Variants in CSMD1 observed in about 807,000 individuals in gnomAD.
CSMD1 encodes CUB and Sushi multiple domains 1.
A neutral mutation model predicts 417.5 loss-of-function variants in CSMD1; 213 were observed. The observed-to-expected ratio is 0.51, with a 90% CI of 0.46 to 0.57. The LOEUF (loss-of-function observed/expected upper bound fraction) is 0.57, where lower values mean the gene tolerates loss of function less well. Ranked by LOEUF, CSMD1 falls within the 20% of genes least tolerant of loss-of-function variation. The probability of loss-of-function intolerance (pLI) is 0.00; values close to 1 mark genes in which losing one functional copy is unlikely to be tolerated. For synonymous variants in CSMD1, 2,862 were observed against 1,736.8 expected, an observed-to-expected ratio of 1.65 and a Z score of -16.11; for missense variants, 6,923 against 4,529.7, an observed-to-expected ratio of 1.53 and a Z score of -15.17.
intron 5 of CSMD1, among the ~76,000 whole-genome samples, chr8:3,960,594 A>C (rs762131023): frequency 6.6e-6 from 1 of 152,148 alleles, no homozygotes; most frequent in Non-Finnish European, 1.5e-5. Context: ...CAAAAAAGTT[A>C]TTTTAAATAT....
chr8:4,104,990 A>AT (rs1554450339), intron 3 of CSMD1, among the ~76,000 whole-genome samples: 2 of 109,788 alleles, frequency 1.8e-5, no homozygotes, highest in Admixed American at 9.1e-5. Context: ...ACAGTTTCAC[A>AT]TTAAAAAAAA....
chr8:4,307,741 G>A (rs1798325852), intron 3 of CSMD1, among the ~76,000 whole-genome samples: 1 of 152,112 alleles, frequency 6.6e-6, no homozygotes. Context: ...ATACCTACAT[G>A]GGCAACCAGA....
intron 2 of CSMD1, among the ~76,000 whole-genome samples, chr8:4,461,603 T>G (rs1799823434): frequency 6.6e-6 from 1 of 151,894 alleles, no homozygotes; most frequent in African/African-American, 2.4e-5. Context: ...CAGTCTGAAA[T>G]GCAGTGGTAC....
intron 10 of CSMD1, among the ~76,000 whole-genome samples, chr8:3,573,837 T>C (rs1800038797): frequency 2.1e-5 from 1 of 46,840 alleles, no homozygotes; most frequent in Non-Finnish European, 5.0e-5. Context: ...ATTATTTTAA[T>C]ATTACATAAT....
intron 10 of CSMD1, among the ~76,000 whole-genome samples, chr8:3,500,221 A>G (rs1282682561): frequency 3.9e-5 from 6 of 152,088 alleles, no homozygotes. Flanking sequence ...TCCCCTAGAC[A>G]CTGCACTTGA....
chr8:3,781,278 G>C (rs985871072), intron 5 of CSMD1, among the ~76,000 whole-genome samples: 2 of 152,108 alleles, frequency 1.3e-5, no homozygotes, highest in African/African-American at 2.4e-5. Flanking sequence ...TACATGCCGA[G>C]AGAATATGGT....
intron 3 of CSMD1, among the ~76,000 whole-genome samples, chr8:4,281,525 C>G (rs578179289): frequency 3.9e-5 from 6 of 152,210 alleles, no homozygotes; most frequent in African/African-American, 1.4e-4. Flanking sequence ...TGCATTGAAG[C>G]TCACATTAAA....
chr8:4,360,868 T>C (rs1257741778), intron 3 of CSMD1, among the ~76,000 whole-genome samples: 1 of 152,132 alleles, frequency 6.6e-6, no homozygotes, highest in Non-Finnish European at 1.5e-5. Flanking sequence ...CTATCTTTAA[T>C]ATTGGTAAAG....
chr8:2,949,884 C>G (rs559269612), intron 67 of CSMD1, among the ~76,000 whole-genome samples: 2 of 152,070 alleles, frequency 1.3e-5, no homozygotes, highest in African/African-American at 4.8e-5. Context: ...TCTTTTAGAA[C>G]GAGCAGCGTG....
intron 25 of CSMD1, among the ~76,000 whole-genome samples, chr8:3,301,917 CTT>C (rs1306584267): frequency 2.6e-5 from 4 of 152,004 alleles, no homozygotes; most frequent in Non-Finnish European, 5.9e-5. Flanking sequence ...AATGACAGGG[CTT>C]TGTTTTCAGA....
chr8:3,225,258 G>T (rs1350860160), intron 27 of CSMD1, among the ~76,000 whole-genome samples: 2 of 152,120 alleles, frequency 1.3e-5, no homozygotes, highest in African/African-American at 4.8e-5. Context: ...TACTCTCACA[G>T]TCTAACTGAA....
Position 4,114,783 on chromosome 8 carries a change from G to A in CSMD1, c.416-82684C>T, listed in dbSNP as rs1445163149. Among the ~76,000 whole-genome samples, 4 of 152,288 alleles carry A rather than the reference G, an allele frequency of 2.6e-5. No individual in the cohort carries two copies. The Middle Eastern group carries it at 0.014, about 518-fold the overall frequency. On this transcript the variant is annotated intron_variant, in intron 3 of 69. Transcript: ENST00000635120. The stretch of plus-strand genomic sequence containing the variant: ...AGAATATAATAAGACTTCAGCAGAG[G>A]TACCTGCAGATGTGGTAGAAATAGC...
intron 10 of CSMD1, among the ~76,000 whole-genome samples, chr8:3,567,656 C>T (rs765139829): frequency 3.2e-4 from 48 of 151,760 alleles, no homozygotes; most frequent in East Asian, 3.9e-4. Context: ...CCTTGTTTAC[C>T]GACAATATTC....
intron 3 of CSMD1, among the ~76,000 whole-genome samples, chr8:4,287,646 GT>G (rs1563393057): frequency 4.5e-5 from 6 of 132,448 alleles, no homozygotes; most frequent in African/African-American, 1.6e-4. Flanking sequence ...CTGCAGTCTC[GT>G]CATAGGTGGT....
chr8:3,452,217 C>T (rs1815775529), intron 12 of CSMD1, among the ~76,000 whole-genome samples: 1 of 152,174 alleles, frequency 6.6e-6, no homozygotes, highest in South Asian at 2.1e-4. Flanking sequence ...AGATTTTGGG[C>T]TGAGACAATG....
chr8:4,167,713 G>T (rs935693090), intron 3 of CSMD1, among the ~76,000 whole-genome samples: 1 of 152,196 alleles, frequency 6.6e-6, no homozygotes, highest in Non-Finnish European at 1.5e-5. Context: ...AGTCAGGCTG[G>T]GTGCAGTGGT....
chr8:4,600,023 C>A (rs1049232587), intron 2 of CSMD1, among the ~76,000 whole-genome samples: 1 of 152,128 alleles, frequency 6.6e-6, no homozygotes, highest in East Asian at 1.9e-4. Flanking sequence ...GGGTTGGTTA[C>A]CGCAGAACAG....
intron 3 of CSMD1, among the ~76,000 whole-genome samples, chr8:4,106,215 T>C (rs758925722): frequency 3.3e-5 from 5 of 152,190 alleles, no homozygotes; most frequent in South Asian, 2.1e-4. Flanking sequence ...GAATCCAGCA[T>C]TGGGTCAGGG....
intron 5 of CSMD1, among the ~76,000 whole-genome samples, chr8:3,783,730 T>C (rs895027687): frequency 1.3e-5 from 2 of 152,222 alleles, no homozygotes; most frequent in East Asian, 1.9e-4. Context: ...GTCTCATTCT[T>C]ACTCCTGCTA....
Sources: gnomAD v4.1 joint callset for allele counts (sites outside exome capture counted in the v4.1 genomes callset) on GRCh38, gnomAD v4.1.1 for gene constraint, MANE v1.5 for transcripts, NCBI Gene and HGNC (gene_info 2026-07-23, HGNC 2026-07-21) for gene names.